Variants in ARHGEF26 observed in about 807,000 individuals in gnomAD.
ARHGEF26 encodes the protein Rho guanine nucleotide exchange factor 26.
ARHGEF26 carries 59 observed loss-of-function variants against 89.4 expected under a neutral mutation model. That is an observed-to-expected ratio of 0.66 (90% CI 0.54 to 0.82). The LOEUF (loss-of-function observed/expected upper bound fraction) is 0.82, where lower values mean the gene tolerates loss of function less well. ARHGEF26 is among the 40% of genes least tolerant of loss of function. ARHGEF26 has a pLI of 0.00. For missense variants in ARHGEF26, 1,234 were observed against 1,085.6 expected (o/e 1.14, Z -1.92); for synonymous variants, 500 against 428.4 (o/e 1.17, Z -2.06).
chr3:154,222,770 T>G lies in ARHGEF26; in HGVS notation c.1936-3086T>G, dbSNP rs529328567. Among the ~76,000 whole-genome samples, 65 of 152,158 alleles carry G rather than the reference T, an allele frequency of 4.3e-4. 2 individuals carry two copies. The South Asian group carries it at 0.013, about 31-fold the overall frequency. On this transcript the variant is annotated intron_variant, in intron 10 of 14. Coordinates refer to ENST00000465093, the MANE Select transcript of ARHGEF26 (RefSeq NM_015595.4). ...GATGATAACTAGAGGATTCACAAAG[T>G]CAAGGGACCATTTTTTGTGAATAGT... is the stretch of plus-strand genomic sequence containing the variant.
chr3:154,197,191 C>G (rs914095063), intron 9 of ARHGEF26, among the ~76,000 whole-genome samples: 3 of 152,126 alleles, frequency 2.0e-5, no homozygotes, highest in Admixed American at 6.6e-5. Flanking sequence ...ATTCCTTTCT[C>G]TCTATTGAGC....
intron 11 of ARHGEF26, among the ~76,000 whole-genome samples, chr3:154,239,340 G>A (rs1717351845): frequency 1.7e-5 from 2 of 114,864 alleles, no homozygotes; most frequent in Admixed American, 1.8e-4. Context: ...GTGTGTGTGT[G>A]TATGAAGAAG....
intron 3 of ARHGEF26, among the ~76,000 whole-genome samples, chr3:154,127,765 C>T (rs144675738): frequency 1.3e-5 from 2 of 150,480 alleles, no homozygotes; most frequent in East Asian, 2.0e-4. Flanking sequence ...GCAGTACAAT[C>T]GGTTTGTTTA....
chr3:154,242,427 A>G (rs918581878), intron 12 of ARHGEF26, among the ~76,000 whole-genome samples: 3 of 152,198 alleles, frequency 2.0e-5, no homozygotes, highest in South Asian at 2.1e-4. Context: ...TGCAGATGCA[A>G]TGGAAATAGC....
In ARHGEF26 at chr3:154,123,050, A is replaced by G; in HGVS notation, c.1058A>G (p.Lys353Arg). ...VLKVVMEDKE[K>R]FSSLGRIKKK... ...AAAGTGGTGATGGAAGACAAGGAGA[A>G]GTTTTCCAGTCTGGGAAGGATAAAG... Residue 353 changes from lysine (K) to arginine (R), a missense_variant, in exon 2 of 15, where the codon AAG becomes AGG. Lys to Arg is a conservative substitution (Grantham distance 26, BLOSUM62 2). Coordinates refer to ENST00000465093, the MANE Select transcript of ARHGEF26 (RefSeq NM_015595.4). 1 of 1,613,954 alleles carries G rather than the reference A, an allele frequency of 6.2e-7. No homozygotes were observed. The highest frequency in any genetic ancestry group is 8.5e-7 in the Non-Finnish European group (1 of 1,179,876).
intron 11 of ARHGEF26, among the ~76,000 whole-genome samples, chr3:154,229,781 A>G (rs538232401): frequency 9.8e-5 from 15 of 152,286 alleles, no homozygotes; most frequent in Non-Finnish European, 1.5e-4. Flanking sequence ...CTATACTAGC[A>G]TGGTAGTAAA....
Position 154,232,744 on chromosome 3 carries a change from T to A in ARHGEF26, c.2090+6734T>A, listed in dbSNP as rs892613066. 2.0e-5 allele frequency among the ~76,000 whole-genome samples: 3 copies of A among 152,208 alleles called. No individual in the cohort carries two copies. The East Asian group carries it at 5.8e-4, about 29-fold the overall frequency. ...CTCAACAATCCAGTCAAGTTGGTAC[T>A]GTTATTCCCACTTTACAGATGAGAA... is the stretch of plus-strand genomic sequence containing the variant. On this transcript the variant is annotated intron_variant, in intron 11 of 14. Coordinates refer to ENST00000465093, the MANE Select transcript of ARHGEF26 (RefSeq NM_015595.4).
intron 12 of ARHGEF26, 83 bp from the exon 13 acceptor site, chr3:154,253,033 C>A: frequency 6.8e-7 from 1 of 1,468,680 alleles, no homozygotes; most frequent in South Asian, 1.2e-5. Context: ...TCTGGGAGTG[C>A]CTTTGCATTG....
intron 1 of ARHGEF26, 62 bp from the exon 2 acceptor site, chr3:154,121,880 C>T (rs1717947311): frequency 1.4e-6 from 2 of 1,408,690 alleles, no homozygotes; most frequent in African/African-American, 1.4e-5. Context: ...TGGGAGCACG[C>T]GAGTCGGCCA....
rs141702282 is a variant in ARHGEF26 at position 154,220,938 on chromosome 3, T to G, written c.1935+2980T>G. Among the ~76,000 whole-genome samples, 99 of 151,806 alleles carry G rather than the reference T, an allele frequency of 6.5e-4. 1 individual carries two copies. In the East Asian group the frequency reaches 0.015, roughly 23 times the overall value. On this transcript the variant is annotated intron_variant, in intron 10 of 14. Coordinates refer to ENST00000465093, the MANE Select transcript of ARHGEF26 (RefSeq NM_015595.4). ...CTCACATATAGACAAAGGGTAAATATCCCCGATGTATAAAATCAAAATGAT... is the reference window on the plus strand; with the variant it reads ...CTCACATATAGACAAAGGGTAAATAGCCCCGATGTATAAAATCAAAATGAT...
intron 9 of ARHGEF26, among the ~76,000 whole-genome samples, chr3:154,215,883 G>A (rs1715692148): frequency 6.6e-6 from 1 of 152,054 alleles, no homozygotes. Flanking sequence ...GAATATGGGG[G>A]AGACACAAAC....
At chr3:154,222,189 T>C (rs907008315) in intron 10 of ARHGEF26, among the ~76,000 whole-genome samples, 7 of 152,230 alleles carry the variant, frequency 4.6e-5, no homozygotes, top group African/African-American at 1.7e-4. Flanking sequence ...TGTATGATAA[T>C]GATAATATGG....
chr3:154,239,408 G>A (rs941937933), intron 11 of ARHGEF26, among the ~76,000 whole-genome samples: 10 of 150,472 alleles, frequency 6.6e-5, no homozygotes, highest in South Asian at 2.1e-4. Flanking sequence ...GATCGGAAAC[G>A]ATCCAGGGGT....
rs561828304 is a variant in ARHGEF26, at chr3:154,212,921, T to G, written c.1846-4948T>G. On this transcript the variant is annotated intron_variant, in intron 9 of 14. Transcript: ENST00000465093. ...ATTTAACATTCTAAGTTGTGCTCCATTGAACATTGTCTTACCTAAATGATT... is the reference window on the plus strand; with the variant it reads ...ATTTAACATTCTAAGTTGTGCTCCAGTGAACATTGTCTTACCTAAATGATT... Among the ~76,000 whole-genome samples the G allele has an allele frequency of 7.2e-5, 11 of 152,284 alleles. 1 individual carries two copies. In the South Asian group the frequency reaches 2.3e-3, roughly 32 times the overall value.
At chr3:154,217,695 C>G (rs948054772) in intron 9 of ARHGEF26, among the ~76,000 whole-genome samples, 174 bp from the exon 10 acceptor site, 1 of 152,170 alleles carries the variant, frequency 6.6e-6, no homozygotes, top group African/African-American at 2.4e-5. Flanking sequence ...ACATCCTAAT[C>G]ACACCACTTC....
rs1717995612 is a variant in ARHGEF26 at position 154,122,269 on chromosome 3, A to G, written c.277A>G (p.Asn93Asp). ...GGGCGCCCAGCGGAGAGCGGTGGCC[A>G]ATGGTGGGACGGCATCCCCGGAGTA... is the stretch of plus-strand genomic sequence containing the variant. ...LLGAQRRAVA[N>D]GGTASPEYRA... Residue 93 changes from asparagine to aspartate, a missense_variant, in exon 2 of 15, where the codon AAT (asparagine) becomes GAT (aspartate). Coordinates refer to ENST00000465093, the MANE Select transcript of ARHGEF26 (RefSeq NM_015595.4). The G allele has an allele frequency of 6.2e-7, 1 of 1,612,394 alleles. No individual in the cohort carries two copies.
In ARHGEF26 at chr3:154,247,518, C is replaced by G. The variant is rs16823814; in HGVS notation, c.2301-5598C>G. Among the ~76,000 whole-genome samples, 258 of 152,314 alleles carry G rather than the reference C, an allele frequency of 1.7e-3. 2 individuals are homozygous for G. Among genetic ancestry groups the G allele is most frequent in the African/African-American group, 6.0e-3 (248 of 41,558 alleles). ...TCAATACAGTAGTTTTATCACTAATCCCTAAGCTCAGCTCTAGTTTTGTCC... is the reference window on the plus strand; with the variant it reads ...TCAATACAGTAGTTTTATCACTAATGCCTAAGCTCAGCTCTAGTTTTGTCC... On this transcript the variant is annotated intron_variant, in intron 12 of 14. Coordinates refer to ENST00000465093, the MANE Select transcript of ARHGEF26 (RefSeq NM_015595.4).
At chr3:154,149,889 A>C (rs1239384810) in intron 5 of ARHGEF26, among the ~76,000 whole-genome samples, 1 of 151,716 alleles carries the variant, frequency 6.6e-6, no homozygotes, top group Non-Finnish European at 1.5e-5. Flanking sequence ...GTTTTCTATA[A>C]ATTTAAAATT....
At chr3:154,132,372 A>C (rs1017243709) in intron 4 of ARHGEF26, among the ~76,000 whole-genome samples, 127 of 151,182 alleles carry the variant, frequency 8.4e-4, no homozygotes, top group Middle Eastern at 3.4e-3. Flanking sequence ...TCTCCTTCCT[A>C]CCTCCCCAGA....
Sources: gnomAD v4.1 joint callset for allele counts (sites outside exome capture counted in the v4.1 genomes callset) on GRCh38, gnomAD v4.1.1 for gene constraint, MANE v1.5 for transcripts, NCBI Gene and HGNC (gene_info 2026-07-23, HGNC 2026-07-21) for gene names.